DIAPH1: variants seen among roughly 807,000 people sequenced by gnomAD.
DIAPH1 encodes the protein protein diaphanous homolog 1.
A neutral mutation model predicts 140.7 loss-of-function variants in DIAPH1; 46 were observed. The ratio of observed to expected loss-of-function variants is 0.33; its 90% CI spans 0.26 to 0.42. DIAPH1 has a LOEUF of 0.42. Among genes scored for constraint, DIAPH1 ranks in the 10% least tolerant of loss-of-function variants. The probability of loss-of-function intolerance (pLI) is 1.00; values close to 1 mark genes in which losing one functional copy is unlikely to be tolerated. For missense variants in DIAPH1, 1,310 were observed against 1,558.7 expected, an observed-to-expected ratio of 0.84 and a Z score of 2.69; for synonymous variants, 565 against 551.6, an observed-to-expected ratio of 1.02 and a Z score of -0.34.
At chr5:141,618,745 G>A (rs2099903120) in intron 1 of DIAPH1, 53 bp downstream of exon 1, 1 of 1,336,142 alleles carries the variant, frequency 7.5e-7, no homozygotes. Context: ...GGCTGCAGGG[G>A]TCCAGAGGGC....
intron 18 of DIAPH1, chr5:141,536,119 G>A (rs1451612572): frequency 4.7e-6 from 2 of 424,538 alleles, no homozygotes; most frequent in Non-Finnish European, 1.0e-5. Context: ...GACCAACATG[G>A]CAAAACCCTG....
rs1007807040 is a variant in DIAPH1 at position 141,582,461 on chromosome 5, C to T, written c.621-86G>A. ...ATCTTGCAAACAAGGTTCTTAGGAA[C>T]AACAGCCCCATCTAGCAGATGAGTA... On this transcript the variant is annotated intron_variant, in intron 6 of 27. Coordinates refer to ENST00000389054, the MANE Select transcript of DIAPH1 (RefSeq NM_005219.5). 11 of 976,308 alleles carry T rather than the reference C, an allele frequency of 1.1e-5. No homozygotes were observed. In the African/African-American group the frequency reaches 1.6e-4, roughly 14 times the overall value. The allele number at this position is 976,308 out of a possible 1,614,324, so 60.5% of individuals were successfully genotyped here. A position where few individuals can be genotyped will look rare whatever the true frequency, so the allele number is the denominator to read the frequency against.
intron 18 of DIAPH1, chr5:141,561,044 C>A: frequency 7.3e-6 from 3 of 410,680 alleles, no homozygotes; most frequent in Non-Finnish European, 1.5e-5. Flanking sequence ...GGAACCTGAG[C>A]CAAAATAGCT....
At chr5:141,550,288 T>C (rs922900639) in intron 18 of DIAPH1, among the ~76,000 whole-genome samples, 4 of 152,166 alleles carry the variant, frequency 2.6e-5, no homozygotes, top group Admixed American at 1.3e-4. Flanking sequence ...TCCAAACTGA[T>C]GGACACGTTA....
chr5:141,541,501 A>T (rs1409480827), intron 18 of DIAPH1, among the ~76,000 whole-genome samples: 3 of 152,096 alleles, frequency 2.0e-5, no homozygotes, highest in African/African-American at 7.2e-5. Flanking sequence ...CAGCCTGGCC[A>T]ACATGGTGAA....
intron 11 of DIAPH1, 122 bp from the exon 12 acceptor site, chr5:141,577,713 G>T: frequency 1.4e-6 from 1 of 735,432 alleles, no homozygotes; most frequent in Non-Finnish European, 2.5e-6. Context: ...TCTACTGGCT[G>T]TTCTTCCTGT....
chr5:141,590,947 T>C lies in DIAPH1; in HGVS notation c.118-2697A>G, dbSNP rs539664145. 3.9e-5 allele frequency among the ~76,000 whole-genome samples: 6 copies of C among 152,258 alleles called. No homozygotes were observed. In the East Asian group the frequency reaches 1.2e-3, roughly 29 times the overall value. On this transcript the variant is annotated intron_variant, in intron 1 of 27. Coordinates refer to ENST00000389054, the MANE Select transcript of DIAPH1 (RefSeq NM_005219.5). ...CATACCACATCCATTCTCCATACTA[T>C]ATCCAAGAGGAAATCTTTCTAAAAT...
chr5:141,617,840 CG>C (rs1490471627), intron 1 of DIAPH1, among the ~76,000 whole-genome samples: 3 of 152,112 alleles, frequency 2.0e-5, no homozygotes, highest in Admixed American at 6.5e-5. Flanking sequence ...TTCCTTCACT[CG>C]GATTGAAAGT....
chr5:141,583,152 C>A lies in DIAPH1; in HGVS notation c.620+54G>T, dbSNP rs1378426102. ...CTACTTTCTCCTTCAGAGCAAATAG[C>A]CAAGTCCCCTGTGACTCTCCAACTT... is the stretch of plus-strand genomic sequence containing the variant. On this transcript the variant is annotated intron_variant, in intron 6 of 27. Transcript: ENST00000389054. 5 of 1,482,398 alleles carry A rather than the reference C, an allele frequency of 3.4e-6. No individual in the cohort carries two copies. In the East Asian group the frequency reaches 9.0e-5, roughly 27 times the overall value. 91.8% of individuals were successfully genotyped at this position (1,482,398 alleles called of 1,614,324 possible). A position where few individuals can be genotyped will look rare whatever the true frequency, so the allele number is the denominator to read the frequency against.
At chr5:141,592,594 T>G (rs962125253) in intron 1 of DIAPH1, among the ~76,000 whole-genome samples, 2 of 152,168 alleles carry the variant, frequency 1.3e-5, no homozygotes, top group African/African-American at 2.4e-5. Flanking sequence ...TATCCAAGAT[T>G]CTTAAAATTA....
chr5:141,544,032 C>T (rs1392558820), intron 18 of DIAPH1, among the ~76,000 whole-genome samples: 8 of 152,264 alleles, frequency 5.3e-5, no homozygotes, highest in East Asian at 3.9e-4. Flanking sequence ...ATAAATCGGC[C>T]GGGCGCGGTG....
In DIAPH1 at chr5:141,612,082, A is replaced by G. The variant is rs149300592; in HGVS notation, c.117+6716T>C. ...AACTCTGTCTCAAAAAATAATAAAT[A>G]AATAAATAAATAAATAAAGCATACT... On this transcript the variant is annotated intron_variant, in intron 1 of 27. Coordinates refer to ENST00000389054, the MANE Select transcript of DIAPH1 (RefSeq NM_005219.5). 4.1e-3 allele frequency among the ~76,000 whole-genome samples: 625 copies of G among 151,678 alleles called. 4 individuals are homozygous for G. The highest frequency in any genetic ancestry group is 0.015 in the African/African-American group (607 of 41,428).
intron 18 of DIAPH1, among the ~76,000 whole-genome samples, chr5:141,548,076 G>A (rs1419572462): frequency 6.6e-6 from 1 of 152,010 alleles, no homozygotes; most frequent in Admixed American, 6.6e-5. Flanking sequence ...GTGCACGCTT[G>A]TAGTCCTAGC....
chr5:141,608,048 A>C lies in DIAPH1; in HGVS notation c.117+10750T>G, dbSNP rs576780578. Among the ~76,000 whole-genome samples, 122 of 152,386 alleles carry C rather than the reference A, an allele frequency of 8.0e-4. 1 individual carries two copies. Among genetic ancestry groups the C allele is most frequent in the South Asian group, 2.9e-3 (14 of 4,832 alleles). On this transcript the variant is annotated intron_variant, in intron 1 of 27. Transcript: ENST00000389054. ...GACACAACTAAGCAGCTACATATGG[A>C]AAGAATAATTCAGACAGGGTGGGAG...
chr5:141,602,947 G>T (rs1202142124), intron 1 of DIAPH1, among the ~76,000 whole-genome samples: 2 of 152,092 alleles, frequency 1.3e-5, no homozygotes, highest in Admixed American at 1.3e-4. Flanking sequence ...AGCCTACACA[G>T]GCGTTGTGTA....
intron 1 of DIAPH1, among the ~76,000 whole-genome samples, chr5:141,605,355 A>G (rs1368931831): frequency 6.6e-6 from 1 of 152,228 alleles, no homozygotes; most frequent in African/African-American, 2.4e-5. Context: ...CAAAGACTGT[A>G]AAATAAAAAT....
rs2099895530 is a variant in DIAPH1, at chr5:141,573,659, G to C, written c.2191C>G (p.Pro731Ala). The C allele has an allele frequency of 1.2e-6, 2 of 1,612,522 alleles. No homozygotes were observed. Among genetic ancestry groups the C allele is most frequent in the Non-Finnish European group, 1.7e-6 (2 of 1,179,082 alleles). The change falls in exon 16 of 28, where the codon CCA (proline) becomes GCA (alanine). Residue 731 changes from proline (P) to alanine (A), a missense_variant. By Grantham distance (27) the Pro-to-Ala change is conservative (BLOSUM62 -1). Around this residue, in one of 3 missense-constraint regions of DIAPH1, gnomAD observed 589 missense variants for 549.3 expected, o/e 1.07. Transcript: ENST00000389054. Reference protein sequence around the residue: ...PGGPGIPPPPPFPGGPGIPPP... With the variant: ...PGGPGIPPPPAFPGGPGIPPP... Reference sequence around the variant, plus strand: ...GGAATGCCAGGGCCTCCGGGAAATGGAGGAGGTGGAGGGATTCCAGGACCA... The same window carrying C: ...GGAATGCCAGGGCCTCCGGGAAATGCAGGAGGTGGAGGGATTCCAGGACCA...
At chr5:141,530,145 C>T (rs972819815) in intron 19 of DIAPH1, among the ~76,000 whole-genome samples, 2 of 152,194 alleles carry the variant, frequency 1.3e-5, no homozygotes, top group African/African-American at 4.8e-5. Flanking sequence ...ACTCTCAGGA[C>T]GTGATCCTCA....
intron 1 of DIAPH1, among the ~76,000 whole-genome samples, chr5:141,612,074 T>TAATA (rs374105530): frequency 0.084 from 12,723 of 151,384 alleles, 573 homozygotes; most frequent in African/African-American, 0.11. Flanking sequence ...TCTCAAAAAA[T>TAATA]AATAAATAAA....
Sources: allele counts gnomAD v4.1 joint callset (sites outside exome capture counted in the v4.1 genomes callset), GRCh38; gene constraint gnomAD v4.1.1; regional missense constraint gnomAD v4.1.1; transcripts MANE v1.5; gene names NCBI Gene and HGNC (gene_info 2026-07-23, HGNC 2026-07-21).